The following EIF2B3 variants were observed in gnomAD, a reference collection of about 807,000 sequenced individuals.
The protein encoded by EIF2B3 is eukaryotic translation initiation factor 2B subunit gamma.
Under a neutral mutation model 54.1 loss-of-function variants are expected in EIF2B3, and 20 were observed. The ratio of observed to expected loss-of-function variants is 0.37; its 90% CI spans 0.26 to 0.54. EIF2B3 has a LOEUF of 0.54. Among genes scored for constraint, EIF2B3 ranks in the 20% least tolerant of loss-of-function variants. EIF2B3 has a pLI of 0.86. For missense variants in EIF2B3, 448 were observed against 547.8 expected (o/e 0.82, Z 1.82); for synonymous variants, 153 against 188.1 (o/e 0.81, Z 1.52).
At chr1:44,874,555 A>G in intron 10 of EIF2B3, 123 bp downstream of exon 10, 2 of 1,014,906 alleles carry the variant, frequency 2.0e-6, no homozygotes, top group South Asian at 1.7e-5. Context: ...TTTTTATTCT[A>G]TTGCCCTCTT....
At chr1:44,853,265 G>A (rs542411786) in intron 11 of EIF2B3, among the ~76,000 whole-genome samples, 1 of 152,156 alleles carries the variant, frequency 6.6e-6, no homozygotes, top group African/African-American at 2.4e-5. Flanking sequence ...TGTTGGGGTT[G>A]ATGTATTTTC....
At chr1:44,918,108 C>T (rs1277715640) in intron 5 of EIF2B3, among the ~76,000 whole-genome samples, 6 of 116,754 alleles carry the variant, frequency 5.1e-5, no homozygotes, top group African/African-American at 1.6e-4. Flanking sequence ...GATGGAGTCT[C>T]GCTCTGTCCC....
At chr1:44,951,231 A>G (rs991255321) in intron 3 of EIF2B3, among the ~76,000 whole-genome samples, 2 of 152,188 alleles carry the variant, frequency 1.3e-5, no homozygotes, top group Non-Finnish European at 2.9e-5. Context: ...TTCATGTGAC[A>G]CACATATATT....
At chr1:44,913,201 T>C (rs1443104080) in intron 5 of EIF2B3, among the ~76,000 whole-genome samples, 1 of 151,646 alleles carries the variant, frequency 6.6e-6, no homozygotes, top group African/African-American at 2.4e-5. Context: ...TTTTAATACA[T>C]TAAGAGATAT....
chr1:44,862,358 A>T (rs1029827255), intron 10 of EIF2B3, among the ~76,000 whole-genome samples: 3 of 152,130 alleles, frequency 2.0e-5, no homozygotes, highest in Non-Finnish European at 4.4e-5. Context: ...TACTCTGAAA[A>T]CTGTAACGTT....
chr1:44,885,671 GAAC>G (rs890558807), intron 6 of EIF2B3, among the ~76,000 whole-genome samples: 3 of 151,338 alleles, frequency 2.0e-5, no homozygotes, highest in African/African-American at 4.8e-5. Flanking sequence ...TAAAAATGGA[GAAC>G]AATAAAATAT....
At chr1:44,871,418 G>T (rs1573693054) in intron 10 of EIF2B3, among the ~76,000 whole-genome samples, 1 of 152,148 alleles carries the variant, frequency 6.6e-6, no homozygotes, top group Non-Finnish European at 1.5e-5. Flanking sequence ...TAATCATGCT[G>T]CTCTTTTGCT....
chr1:44,935,781 G>C (rs1350552892), intron 4 of EIF2B3, among the ~76,000 whole-genome samples: 2 of 152,166 alleles, frequency 1.3e-5, no homozygotes, highest in Non-Finnish European at 2.9e-5. Flanking sequence ...GATTATAGGC[G>C]TGAGCCACTG....
chr1:44,856,849 G>A (rs1362650766), intron 11 of EIF2B3, among the ~76,000 whole-genome samples: 1 of 152,162 alleles, frequency 6.6e-6, no homozygotes, highest in African/African-American at 2.4e-5. Flanking sequence ...CTGTCACCCA[G>A]GCTAGAGTGC....
chr1:44,897,241 T>A, intron 6 of EIF2B3, 114 bp downstream of exon 6: 2 of 752,736 alleles, frequency 2.7e-6, no homozygotes, highest in Non-Finnish European at 4.6e-6. Flanking sequence ...CTAACTGTGC[T>A]ATTGTGCTAA....
intron 3 of EIF2B3, among the ~76,000 whole-genome samples, chr1:44,953,271 A>G (rs1272760347): frequency 6.6e-6 from 1 of 151,944 alleles, no homozygotes; most frequent in Non-Finnish European, 1.5e-5. Flanking sequence ...AAAGAAAAAA[A>G]AAAGAACCAG....
At chr1:44,877,050 AAACGCTGCGGAAGGCCAC>A (rs1655187122) in intron 8 of EIF2B3, among the ~76,000 whole-genome samples, 1 of 150,786 alleles carries the variant, frequency 6.6e-6, no homozygotes, top group African/African-American at 2.5e-5. Context: ...CCAGGGACAC[AAACGCTGCGGAAGGCCAC>A]AGGGTCCTCT....
chr1:44,855,530 T>G (rs1265773741), intron 11 of EIF2B3, among the ~76,000 whole-genome samples: 3 of 152,064 alleles, frequency 2.0e-5, no homozygotes, highest in African/African-American at 7.2e-5. Flanking sequence ...TAGGGATGCA[T>G]ATAGTTATGA....
At chr1:44,969,375 T>C (rs901450587) in intron 3 of EIF2B3, among the ~76,000 whole-genome samples, 2 of 152,242 alleles carry the variant, frequency 1.3e-5, no homozygotes, top group Admixed American at 1.3e-4. Context: ...AATTGTAATG[T>C]GTAATCCTTA....
chr1:44,964,706 G>C (rs980511584), intron 3 of EIF2B3, among the ~76,000 whole-genome samples: 8 of 152,128 alleles, frequency 5.3e-5, no homozygotes, highest in African/African-American at 1.9e-4. Flanking sequence ...TACTTTCTTG[G>C]TTGTGAAACT....
intron 1 of EIF2B3, among the ~76,000 whole-genome samples, chr1:44,983,718 A>T (rs927459134): frequency 6.0e-5 from 9 of 149,284 alleles, no homozygotes; most frequent in African/African-American, 1.5e-4. Flanking sequence ...CTAAAAAAAA[A>T]TTTTTTTTTT....
At chr1:44,909,423 A>G (rs1489031152) in intron 5 of EIF2B3, among the ~76,000 whole-genome samples, 1 of 152,202 alleles carries the variant, frequency 6.6e-6, no homozygotes, top group African/African-American at 2.4e-5. Flanking sequence ...TGGTGGTAAC[A>G]GATTTAGCAT....
intron 8 of EIF2B3, among the ~76,000 whole-genome samples, chr1:44,878,275 T>C (rs1426337156): frequency 6.6e-6 from 1 of 152,172 alleles, no homozygotes; most frequent in Non-Finnish European, 1.5e-5. Flanking sequence ...TCTTTTTCTT[T>C]TTTTTGAGAC....
intron 3 of EIF2B3, among the ~76,000 whole-genome samples, chr1:44,942,404 TA>T (rs1557696961): frequency 1.1e-3 from 23 of 21,888 alleles, no homozygotes; most frequent in South Asian, 2.8e-3. Flanking sequence ...TATATATATA[TA>T]TATATATATA....
Sources: gnomAD v4.1 joint callset for allele counts (sites outside exome capture counted in the v4.1 genomes callset) on GRCh38, gnomAD v4.1.1 for gene constraint, MANE v1.5 for transcripts, NCBI Gene and HGNC (gene_info 2026-07-23, HGNC 2026-07-21) for gene names.